The following MTUS2 variants were observed in gnomAD, a reference collection of about 807,000 sequenced individuals.
MTUS2 encodes microtubule associated scaffold protein 2.
In MTUS2, 40 loss-of-function variants were observed where a neutral mutation model predicts 114.1. The observed-to-expected ratio is 0.35, with a 90% CI of 0.27 to 0.46. The LOEUF is 0.46. Ranked by LOEUF, MTUS2 falls within the 20% of genes least tolerant of loss-of-function variation. MTUS2 has a pLI of 1.00. For missense variants in MTUS2, 1,679 were observed against 1,705.4 expected, an observed-to-expected ratio of 0.98 and a Z score of 0.27; for synonymous variants, 688 against 672.0, an observed-to-expected ratio of 1.02 and a Z score of -0.37.
At chr13:28,827,775 T>C (rs1175831316) in intron 1 of MTUS2, among the ~76,000 whole-genome samples, 1 of 152,176 alleles carries the variant, frequency 6.6e-6, no homozygotes, top group Non-Finnish European at 1.5e-5. Flanking sequence ...AGCAAGTTTT[T>C]ATTAGTGATT....
At chr13:29,249,778 G>T (rs9506125) in intron 5 of MTUS2, among the ~76,000 whole-genome samples, 2 of 151,942 alleles carry the variant, frequency 1.3e-5, no homozygotes, top group African/African-American at 4.8e-5. Flanking sequence ...CTGATACTAG[G>T]ATTTCCTATT....
intron 8 of MTUS2, among the ~76,000 whole-genome samples, chr13:29,378,593 G>C (rs1483161493): frequency 6.6e-6 from 1 of 152,144 alleles, no homozygotes; most frequent in African/African-American, 2.4e-5. Flanking sequence ...GCTTCACTCT[G>C]AAAAGGCTGC....
intron 8 of MTUS2, among the ~76,000 whole-genome samples, chr13:29,391,183 G>A (rs768780078): frequency 1.3e-5 from 2 of 152,014 alleles, no homozygotes; most frequent in Admixed American, 1.3e-4. Flanking sequence ...TCCATGTCCC[G>A]GGTTCAAGTG....
intron 6 of MTUS2, among the ~76,000 whole-genome samples, chr13:29,310,650 C>G (rs1342922091): frequency 6.6e-6 from 1 of 152,142 alleles, no homozygotes; most frequent in Non-Finnish European, 1.5e-5. Flanking sequence ...ATAGTGCTGA[C>G]CATCATCAGT....
chr13:28,932,951 A>C (rs753198886), intron 2 of MTUS2, among the ~76,000 whole-genome samples: 2 of 152,176 alleles, frequency 1.3e-5, no homozygotes, highest in Non-Finnish European at 2.9e-5. Context: ...TATACATCCA[A>C]AATAAAGGGC....
intron 5 of MTUS2, among the ~76,000 whole-genome samples, chr13:29,257,755 T>C (rs1897327768): frequency 6.6e-6 from 1 of 152,234 alleles, no homozygotes; most frequent in Non-Finnish European, 1.5e-5. Context: ...TTATTTCTTT[T>C]CATTTTTACC....
intron 7 of MTUS2, among the ~76,000 whole-genome samples, chr13:29,348,058 T>A (rs1485207664): frequency 2.0e-5 from 3 of 151,460 alleles, no homozygotes; most frequent in Admixed American, 2.0e-4. Flanking sequence ...ATCCTATACT[T>A]TAGGGATTTT....
At chr13:28,865,727 C>T (rs536446263) in intron 2 of MTUS2, among the ~76,000 whole-genome samples, 1 of 152,200 alleles carries the variant, frequency 6.6e-6, no homozygotes, top group African/African-American at 2.4e-5. Context: ...GAAATTAGCC[C>T]ATTGATTGAA....
At chr13:29,407,680 T>C (rs1030112193) in intron 8 of MTUS2, among the ~76,000 whole-genome samples, 7 of 151,956 alleles carry the variant, frequency 4.6e-5, no homozygotes, top group African/African-American at 1.7e-4. Flanking sequence ...GGTTTCACCA[T>C]GTTGGCCAGG....
chr13:28,894,760 G>T (rs1383443224), intron 2 of MTUS2, among the ~76,000 whole-genome samples: 1 of 152,226 alleles, frequency 6.6e-6, no homozygotes, highest in African/African-American at 2.4e-5. Flanking sequence ...ACAAATTTTG[G>T]TAAAGGGTAG....
intron 5 of MTUS2, among the ~76,000 whole-genome samples, chr13:29,168,930 A>G (rs1347954904): frequency 1.4e-4 from 4 of 27,676 alleles, no homozygotes; most frequent in East Asian, 2.0e-3. Context: ...AGAATATGTT[A>G]TAATGCCAGT....
intron 5 of MTUS2, among the ~76,000 whole-genome samples, chr13:29,237,791 C>T (rs933555032): frequency 2.0e-5 from 3 of 152,022 alleles, no homozygotes; most frequent in African/African-American, 7.2e-5. Context: ...ATACAAACGG[C>T]CAACAAGTAT....
intron 6 of MTUS2, among the ~76,000 whole-genome samples, chr13:29,316,117 T>C (rs1432210844): frequency 1.3e-5 from 2 of 152,098 alleles, no homozygotes; most frequent in African/African-American, 4.8e-5. Flanking sequence ...GCTGTAAGAA[T>C]AGTGTTCAAT....
At chr13:29,199,399 AG>A (rs1401383602) in intron 5 of MTUS2, among the ~76,000 whole-genome samples, 1 of 152,234 alleles carries the variant, frequency 6.6e-6, no homozygotes, top group South Asian at 2.1e-4. Context: ...TTTAGCATGA[AG>A]GGCTGTTGAA....
chr13:29,230,532 C>G (rs185812225), intron 5 of MTUS2, among the ~76,000 whole-genome samples: 63 of 152,332 alleles, frequency 4.1e-4, no homozygotes, highest in African/African-American at 1.5e-3. Flanking sequence ...TGTTATTGCT[C>G]TCTAATACCT....
chr13:29,010,975 G>C (rs1885814818), intron 2 of MTUS2, among the ~76,000 whole-genome samples: 1 of 152,074 alleles, frequency 6.6e-6, no homozygotes, highest in South Asian at 2.1e-4. Flanking sequence ...AGGACCACCT[G>C]CCAGAGAGGA....
intron 1 of MTUS2, among the ~76,000 whole-genome samples, chr13:28,822,721 T>C (rs1271543409): frequency 6.6e-6 from 1 of 152,048 alleles, no homozygotes; most frequent in Non-Finnish European, 1.5e-5. Flanking sequence ...GAGAGTACTC[T>C]TTCTATATTC....
chr13:29,438,768 C>A (rs1877610384), intron 8 of MTUS2, among the ~76,000 whole-genome samples: 1 of 152,168 alleles, frequency 6.6e-6, no homozygotes, highest in African/African-American at 2.4e-5. Flanking sequence ...TAATTTTTGA[C>A]TCCCACAATG....
Position 29,289,307 on chromosome 13 carries a change from G to A in MTUS2, c.2806+7442G>A, listed in dbSNP as rs116937675. 2.4e-3 allele frequency among the ~76,000 whole-genome samples: 361 copies of A among 152,302 alleles called. 2 individuals carry two copies. Among genetic ancestry groups the A allele is most frequent in the Non-Finnish European group, 4.1e-3 (280 of 68,028 alleles). Reference sequence around the variant, plus strand: ...GCTGGGTGGACACCAGTCCAGCTCCGCCTGTCTTAGCCACTGGACTTGGGA... The same window carrying A: ...GCTGGGTGGACACCAGTCCAGCTCCACCTGTCTTAGCCACTGGACTTGGGA... On this transcript the variant is annotated intron_variant, in intron 6 of 15. Coordinates refer to ENST00000612955, the MANE Select transcript of MTUS2 (RefSeq NM_001033602.4).
Sources: allele counts gnomAD v4.1 joint callset (sites outside exome capture counted in the v4.1 genomes callset), GRCh38; gene constraint gnomAD v4.1.1; transcripts MANE v1.5; gene names NCBI Gene and HGNC (gene_info 2026-07-23, HGNC 2026-07-21).